The following DAXX variants were observed in gnomAD, a reference collection of about 807,000 sequenced individuals.
The protein encoded by DAXX is death domain-associated protein 6.
DAXX carries 24 observed loss-of-function variants against 61.9 expected under a neutral mutation model. The observed-to-expected ratio is 0.39, with a 90% confidence interval of 0.28 to 0.55. DAXX has a LOEUF of 0.55. Among genes scored for constraint, DAXX ranks in the 20% least tolerant of loss-of-function variants. The pLI is 0.69. For missense variants in DAXX, 819 were observed against 935.3 expected, an observed-to-expected ratio of 0.88 and a Z score of 1.62; for synonymous variants, 357 against 369.5, an observed-to-expected ratio of 0.97 and a Z score of 0.39.
rs1770293820 is a variant in DAXX, at chr6:33,319,731, G to A, written c.1589C>T (p.Pro530Leu). Residue 530 changes from proline (P) to leucine (L), a missense_variant, in exon 6 of 8, where the codon CCA becomes CTA. Coordinates refer to ENST00000374542, the MANE Select transcript of DAXX (RefSeq NM_001141969.2). ...CAGGGGTTCTTCTGACAGTAACGAT[G>A]GTGACACTATGCGTCCTTTGTTTTG... ...EQQNKGRIVS[P>L]SLLSEEPLAP... The A allele has an allele frequency of 6.2e-7, 1 of 1,614,088 alleles. No individual in the cohort carries two copies. Among genetic ancestry groups the A allele is most frequent in the African/African-American group, 1.3e-5 (1 of 74,932 alleles).
intron 5 of DAXX, 41 bp from the exon 6 acceptor site, chr6:33,319,895 G>A: frequency 6.3e-7 from 1 of 1,594,272 alleles, no homozygotes; most frequent in Non-Finnish European, 8.5e-7. Flanking sequence ...CTGAGAATGA[G>A]GGGGAAAAAA....
chr6:33,322,245 CCT>C (rs1318359731), intron 1 of DAXX, among the ~76,000 whole-genome samples: 2 of 151,944 alleles, frequency 1.3e-5, no homozygotes, highest in African/African-American at 4.8e-5. Context: ...GCATTTCCCC[CCT>C]ATTTCTTAGA....
intron 7 of DAXX, 23 bp from the exon 8 acceptor site, chr6:33,318,825 G>T (rs1412972566): frequency 7.0e-7 from 1 of 1,434,928 alleles, no homozygotes. Flanking sequence ...GAGAGACAAA[G>T]AGTCAAAGAG....
chr6:33,320,208 G>A lies in DAXX; in HGVS notation c.1268C>T (p.Ala423Val), dbSNP rs2150991405. 1 of 1,611,688 alleles carries A rather than the reference G, an allele frequency of 6.2e-7. No individual in the cohort carries two copies. Among genetic ancestry groups the A allele is most frequent in the East Asian group, 2.2e-5 (1 of 44,878 alleles). ...GGAGGCAGAAGGGCACCCCTGGGAT[G>A]CCATTCCACTAGGGCCCTGGGAGAC... The part of the protein sequence containing the change: ...LDSGEGPSGM[A>V]SQGCPSASRA... Residue 423 changes from alanine (A) to valine (V), a missense_variant, in exon 5 of 8, where the codon GCA becomes GTA. Physicochemically the swap from Ala to Val is moderately conservative, Grantham distance 64 (BLOSUM62 0). Transcript: ENST00000374542. This position sits in a 1 kb window ranked among gnomAD's most constrained non-coding sequence, Gnocchi z 7.1.
intron 1 of DAXX, 40 bp downstream of exon 1, chr6:33,322,822 C>T: frequency 2.0e-6 from 2 of 995,462 alleles, no homozygotes; most frequent in Non-Finnish European, 1.5e-6. Flanking sequence ...CCTCTATATC[C>T]CCGCCCCCGC....
intron 7 of DAXX, 79 bp downstream of exon 7, chr6:33,318,917 TG>T: frequency 7.3e-7 from 1 of 1,364,700 alleles, no homozygotes; most frequent in Non-Finnish European, 1.0e-6. Context: ...ATGTGGCACG[TG>T]GAATATTCAG....
chr6:33,322,794 C>G (rs2151002329), intron 1 of DAXX, 68 bp downstream of exon 1: 2 of 758,650 alleles, frequency 2.6e-6, no homozygotes, highest in Non-Finnish European at 4.3e-6. Context: ...CAGCGCCCAG[C>G]TCTCCCCAAT....
Position 33,319,717 on chromosome 6 carries a change from C to G in DAXX, c.1603G>C (p.Glu535Gln). Reference sequence around the variant, plus strand: ...ATGCTGGAGGGGGCCAGGGGTTCTTCTGACAGTAACGATGGTGACACTATG... The same window carrying G: ...ATGCTGGAGGGGGCCAGGGGTTCTTGTGACAGTAACGATGGTGACACTATG... ...GRIVSPSLLS[E>Q]EPLAPSSIDA... Residue 535 changes from glutamate (E) to glutamine (Q), a missense_variant, in exon 6 of 8, where the codon GAA (glutamate) becomes CAA (glutamine). Glu to Gln is a conservative substitution (Grantham distance 29, BLOSUM62 2). Coordinates refer to ENST00000374542, the MANE Select transcript of DAXX (RefSeq NM_001141969.2). 6.2e-7 allele frequency: 1 copy of G among 1,614,258 alleles called. No individual in the cohort carries two copies. Among genetic ancestry groups the G allele is most frequent in the South Asian group, 1.1e-5 (1 of 91,086 alleles).
chr6:33,319,602 G>C lies in DAXX; in HGVS notation c.1718C>G (p.Ala573Gly), dbSNP rs1384769747. Residue 573 changes from alanine to glycine, a missense_variant, in exon 6 of 8, where the codon GCT (alanine) becomes GGT (glycine). By Grantham distance (60) the Ala-to-Gly change is moderately conservative. Transcript: ENST00000374542. ...AGAGGAAGGGGTATCCAGGGGCAAA[G>C]CTTCAATCTCTAGCTCAAAGAGCTG... is the stretch of plus-strand genomic sequence containing the variant. ...VSQLFELEIE[A>G]LPLDTPSSVE... 3.1e-6 allele frequency: 5 copies of C among 1,614,124 alleles called. No homozygotes were observed. The highest frequency in any genetic ancestry group is 4.2e-6 in the Non-Finnish European group (5 of 1,179,968).
rs753951216 is a variant in DAXX, at chr6:33,320,222, G to A, written c.1254C>T (p.Gly418=). ...TPEASLDSGE[G]PSGMASQGCP... ...ACCCCTGGGATGCCATTCCACTAGG[G>A]CCCTGGGAGACAAAGAAGTTTCTCT... Residue 418 remains glycine (G), a splice_region_variant and synonymous_variant, in exon 5 of 8, where the codon GGC becomes GGT. Coordinates refer to ENST00000374542, the MANE Select transcript of DAXX (RefSeq NM_001141969.2). The surrounding 1 kb of genome is among the most constrained non-coding windows in gnomAD (Gnocchi z 7.1). 2.5e-6 allele frequency: 4 copies of A among 1,607,076 alleles called. No individual in the cohort carries two copies. Among genetic ancestry groups the A allele is most frequent in the Non-Finnish European group, 3.4e-6 (4 of 1,173,788 alleles).
At position 33,321,948 on chromosome 6, in the gene DAXX, G is replaced by T; in HGVS notation, c.-23C>A. ...CATAGGGGATCAAATCCCCCGGAGG[G>T]AGGAAGTGGTGGGGATTTCAGAATT... On this transcript the variant is annotated 5_prime_UTR_variant, in exon 2 of 8. Coordinates refer to ENST00000374542, the MANE Select transcript of DAXX (RefSeq NM_001141969.2). The surrounding 1 kb of genome is among the most constrained non-coding windows in gnomAD (Gnocchi z 7.2). The T allele has an allele frequency of 6.3e-7, 1 of 1,596,082 alleles. No homozygotes were observed.
chr6:33,318,732 A>AT lies in DAXX; in HGVS notation c.*10_*11insA. On this transcript the variant is annotated 3_prime_UTR_variant, in exon 8 of 8. Coordinates refer to ENST00000374542, the MANE Select transcript of DAXX (RefSeq NM_001141969.2). ...CCAGAACATTCTGGAGGCAGGGAGAAGGGGAGGCAGCTAATCAGAGTCTGA... is the reference window on the plus strand; with the variant it reads ...CCAGAACATTCTGGAGGCAGGGAGAATGGGGAGGCAGCTAATCAGAGTCTGA... The AT allele has an allele frequency of 7.2e-7, 1 of 1,385,190 alleles. No homozygotes were observed. Among genetic ancestry groups the AT allele is most frequent in the Non-Finnish European group, 1.0e-6 (1 of 999,030 alleles). 85.8% of individuals were successfully genotyped at this position (1,385,190 alleles called of 1,614,324 possible). A position where few individuals can be genotyped will look rare whatever the true frequency, so the allele number is the denominator to read the frequency against.
rs750021909 is a variant in DAXX, at chr6:33,321,522, C to G, written c.253G>C (p.Val85Leu). Residue 85 changes from valine (V) to leucine (L), a missense_variant, in exon 3 of 8, where the codon GTC becomes CTC. Coordinates refer to ENST00000374542, the MANE Select transcript of DAXX (RefSeq NM_001141969.2). The surrounding 1 kb of genome is among the most constrained non-coding windows in gnomAD (Gnocchi z 7.2). ...KMQTADHPEV[V>L]PFLYNRQQRA... ...TGCTGCCGGTTATAGAGGAATGGGA[C>G]CACCTCAGGGTGGTCTGCTGTCTGC... is the stretch of plus-strand genomic sequence containing the variant. The G allele has an allele frequency of 1.9e-6, 3 of 1,613,914 alleles. No individual in the cohort carries two copies. The highest frequency in any genetic ancestry group is 1.7e-6 in the Non-Finnish European group (2 of 1,179,982).
rs1156433299 is a variant in DAXX, at chr6:33,319,587, G to A, written c.1733C>T (p.Thr578Ile). ...AATGTCCGTCTCCACAGAGGAAGGG[G>A]TATCCAGGGGCAAAGCTTCAATCTC... ...ELEIEALPLDTPSSVETDISS... is the reference protein window; with the variant it reads ...ELEIEALPLDIPSSVETDISS... Residue 578 changes from threonine (T) to isoleucine (I), a missense_variant, in exon 6 of 8, where the codon ACC becomes ATC. Physicochemically the swap from Thr to Ile is moderately conservative, Grantham distance 89. Transcript: ENST00000374542. The A allele has an allele frequency of 3.1e-6, 5 of 1,614,024 alleles. No homozygotes were observed. The highest frequency in any genetic ancestry group is 4.2e-6 in the Non-Finnish European group (5 of 1,179,980).
At position 33,320,836 on chromosome 6, in the gene DAXX, A is replaced by G. The variant is rs2150994174; in HGVS notation, c.939T>C (p.Ala313=). 1.2e-6 allele frequency: 2 copies of G among 1,614,140 alleles called. No homozygotes were observed. Among genetic ancestry groups the G allele is most frequent in the Non-Finnish European group, 1.7e-6 (2 of 1,180,026 alleles). Residue 313 remains alanine (A), a synonymous_variant, in exon 3 of 8, where the codon GCT becomes GCC. Coordinates refer to ENST00000374542, the MANE Select transcript of DAXX (RefSeq NM_001141969.2). The surrounding 1 kb of genome is among the most constrained non-coding windows in gnomAD (Gnocchi z 7.1). The part of the protein sequence containing the change: ...GLPRQQLQLM[A]QDAFRDVGIR... ...TGCCCACATCTCGGAAGGCATCCTG[A>G]GCCATGAGCTGGAGCTGCTGTCGGG...
In DAXX at chr6:33,320,832, C is replaced by T; in HGVS notation, c.943G>A (p.Asp315Asn). The change falls in exon 3 of 8, where the codon GAT becomes AAT. Residue 315 changes from aspartate (D) to asparagine (N), a missense_variant. Physicochemically the swap from Asp to Asn is conservative, Grantham distance 23. Coordinates refer to ENST00000374542, the MANE Select transcript of DAXX (RefSeq NM_001141969.2). This position sits in a 1 kb window ranked among gnomAD's most constrained non-coding sequence, Gnocchi z 7.1. ...CTGATGCCCACATCTCGGAAGGCAT[C>T]CTGAGCCATGAGCTGGAGCTGCTGT... Reference protein sequence around the residue: ...PRQQLQLMAQDAFRDVGIRLQ... With the variant: ...PRQQLQLMAQNAFRDVGIRLQ... 3 of 1,614,200 alleles carry T rather than the reference C, an allele frequency of 1.9e-6. No homozygotes were observed. The highest frequency in any genetic ancestry group is 2.5e-6 in the Non-Finnish European group (3 of 1,180,034).
intron 1 of DAXX, among the ~76,000 whole-genome samples, chr6:33,322,288 C>T (rs1422816349): frequency 1.3e-5 from 2 of 151,902 alleles, no homozygotes; most frequent in Non-Finnish European, 2.9e-5. Context: ...TCCCACACTG[C>T]ACCCCAAATC....
chr6:33,322,933 T>A lies in DAXX; in HGVS notation c.-124A>T. Reference sequence around the variant, plus strand: ...CTCGCATGGTTCCCTCCGCCTTCCTTCCCACTCCCACCGCAGGCCCCACTA... The same window carrying A: ...CTCGCATGGTTCCCTCCGCCTTCCTACCCACTCCCACCGCAGGCCCCACTA... On this transcript the variant is annotated 5_prime_UTR_variant, in exon 1 of 8. Transcript: ENST00000374542. 7.2e-7 allele frequency: 1 copy of A among 1,397,098 alleles called. No individual in the cohort carries two copies. The highest frequency in any genetic ancestry group is 1.1e-5 in the South Asian group (1 of 87,676). 86.5% of individuals were successfully genotyped at this position (1,397,098 alleles called of 1,614,324 possible). A position where few individuals can be genotyped will look rare whatever the true frequency, so the allele number is the denominator to read the frequency against.
At position 33,320,882 on chromosome 6, in the gene DAXX, G is replaced by A. The variant is rs2150994503; in HGVS notation, c.893C>T (p.Ala298Val). ...DVLRAVEKAA[A>V]RHSLGLPRQQ... is the part of the protein sequence containing the mutation. ...TCGGGGGAGGCCAAGGCTGTGTCGG[G>A]CAGCTGCCTTCTCTACAGCCCGAAG... Residue 298 changes from alanine (A) to valine (V), a missense_variant, in exon 3 of 8, where the codon GCC (alanine) becomes GTC (valine). Coordinates refer to ENST00000374542, the MANE Select transcript of DAXX (RefSeq NM_001141969.2). The surrounding 1 kb of genome is among the most constrained non-coding windows in gnomAD (Gnocchi z 7.1). 1 of 1,614,194 alleles carries A rather than the reference G, an allele frequency of 6.2e-7. No homozygotes were observed. Among genetic ancestry groups the A allele is most frequent in the Non-Finnish European group, 8.5e-7 (1 of 1,180,022 alleles).
Sources: allele counts gnomAD v4.1 joint callset (sites outside exome capture counted in the v4.1 genomes callset), GRCh38; gene constraint gnomAD v4.1.1; non-coding constraint Gnocchi (gnomAD v3.1); transcripts MANE v1.5; gene names NCBI Gene and HGNC (gene_info 2026-07-23, HGNC 2026-07-21).